SEMA5A: variants seen among roughly 807,000 people sequenced by gnomAD.
SEMA5A encodes the protein semaphorin 5A.
Under a neutral mutation model 135.5 loss-of-function variants are expected in SEMA5A, and 55 were observed. The ratio of observed to expected loss-of-function variants is 0.41; its 90% CI spans 0.33 to 0.51. SEMA5A has a LOEUF of 0.51. Among genes scored for constraint, SEMA5A ranks in the 20% least tolerant of loss-of-function variants. SEMA5A has a pLI of 0.37. For missense variants in SEMA5A, 1,290 were observed against 1,419.9 expected (o/e 0.91, Z 1.47); for synonymous variants, 580 against 546.5 (o/e 1.06, Z -0.85).
At chr5:9,146,433 A>G (rs1333495908) in intron 12 of SEMA5A, among the ~76,000 whole-genome samples, 2 of 152,172 alleles carry the variant, frequency 1.3e-5, no homozygotes, top group African/African-American at 4.8e-5. Flanking sequence ...TCAGAGAACA[A>G]TCGTTGAAAG....
intron 15 of SEMA5A, among the ~76,000 whole-genome samples, chr5:9,114,920 T>C (rs1483853655): frequency 6.6e-6 from 1 of 152,214 alleles, no homozygotes; most frequent in Non-Finnish European, 1.5e-5. Context: ...TGGAGTAGTA[T>C]TTAGTTACAC....
At chr5:9,060,527 G>T (rs1051637961) in intron 18 of SEMA5A, among the ~76,000 whole-genome samples, 6 of 152,114 alleles carry the variant, frequency 3.9e-5, no homozygotes, top group African/African-American at 1.2e-4. Context: ...TTGCCCACAG[G>T]ATTCCTCTCA....
intron 7 of SEMA5A, among the ~76,000 whole-genome samples, chr5:9,225,225 G>C (rs1747227178): frequency 6.6e-6 from 1 of 151,742 alleles, no homozygotes; most frequent in South Asian, 2.1e-4. Flanking sequence ...AAAAACCAGT[G>C]TCAATATTTA....
At position 9,192,959 on chromosome 5, in the gene SEMA5A, C is replaced by T. The variant is rs117233352; in HGVS notation, c.1069-2488G>A. On this transcript the variant is annotated intron_variant, in intron 10 of 22. Coordinates refer to ENST00000382496, the MANE Select transcript of SEMA5A (RefSeq NM_003966.3). ...TTAAGGAACCCAGAAAAATTGGACACCTAACAGGGAGTTCTCGGTGGCAGG... is the reference window on the plus strand; with the variant it reads ...TTAAGGAACCCAGAAAAATTGGACATCTAACAGGGAGTTCTCGGTGGCAGG... Among the ~76,000 whole-genome samples the T allele has an allele frequency of 3.0e-3, 449 of 152,058 alleles. 6 individuals are homozygous for T. Among genetic ancestry groups the T allele is most frequent in the East Asian group, 0.023 (117 of 5,150 alleles).
intron 1 of SEMA5A, among the ~76,000 whole-genome samples, chr5:9,528,502 G>A (rs888807293): frequency 6.6e-6 from 1 of 152,202 alleles, no homozygotes; most frequent in Non-Finnish European, 1.5e-5. Flanking sequence ...CCAACCCCAT[G>A]AATCTGAGCC....
intron 11 of SEMA5A, among the ~76,000 whole-genome samples, chr5:9,163,555 C>A (rs185864767): frequency 0.12 from 17,822 of 152,016 alleles, 1,755 homozygotes; most frequent in African/African-American, 0.25. Context: ...AACAATATCT[C>A]ATTTGTAAGG....
intron 16 of SEMA5A, 42 bp downstream of exon 16, chr5:9,108,098 G>C: frequency 6.3e-7 from 1 of 1,598,552 alleles, no homozygotes; most frequent in Non-Finnish European, 8.5e-7. Context: ...CTGTATTCCT[G>C]GTTCTGGATT....
At chr5:9,429,266 C>G (rs1037442443) in intron 2 of SEMA5A, among the ~76,000 whole-genome samples, 5 of 152,144 alleles carry the variant, frequency 3.3e-5, no homozygotes, top group African/African-American at 1.2e-4. Context: ...AAGCCCATAG[C>G]CTTCCAGCTC....
intron 11 of SEMA5A, among the ~76,000 whole-genome samples, chr5:9,185,831 G>A (rs1744775053): frequency 6.6e-6 from 1 of 152,184 alleles, no homozygotes; most frequent in African/African-American, 2.4e-5. Flanking sequence ...CATTGTGGGG[G>A]AGGGAGCATA....
intron 2 of SEMA5A, among the ~76,000 whole-genome samples, chr5:9,428,014 A>G (rs981550466): frequency 2.4e-4 from 36 of 151,502 alleles, no homozygotes; most frequent in African/African-American, 8.2e-4. Context: ...ATATAGGTGG[A>G]TATTCTATCT....
intron 1 of SEMA5A, among the ~76,000 whole-genome samples, chr5:9,478,338 C>T (rs1759749105): frequency 6.6e-6 from 1 of 152,192 alleles, no homozygotes; most frequent in South Asian, 2.1e-4. Context: ...CTGGGCATTG[C>T]CTAGTAGAGC....
intron 8 of SEMA5A, among the ~76,000 whole-genome samples, chr5:9,223,273 A>T (rs1747103514): frequency 6.6e-6 from 1 of 152,110 alleles, no homozygotes; most frequent in Non-Finnish European, 1.5e-5. Flanking sequence ...TTTTTCCTAC[A>T]GGACAGTCTT....
rs532162794 is a variant in SEMA5A, at chr5:9,334,862, G to T, written c.224+2851C>A. The stretch of plus-strand genomic sequence containing the variant: ...AACTGGGCATCATGGATTTTTATTT[G>T]CTAAGTCTGGCAATCCTATGTATTC... On this transcript the variant is annotated intron_variant, in intron 4 of 22. Coordinates refer to ENST00000382496, the MANE Select transcript of SEMA5A (RefSeq NM_003966.3). Among the ~76,000 whole-genome samples, 330 of 152,264 alleles carry T rather than the reference G, an allele frequency of 2.2e-3. 1 individual carries two copies. The highest frequency in any genetic ancestry group is 4.2e-3 in the Non-Finnish European group (285 of 68,020).
intron 11 of SEMA5A, among the ~76,000 whole-genome samples, chr5:9,155,382 T>G (rs1742898124): frequency 1.3e-5 from 2 of 151,230 alleles, no homozygotes; most frequent in Non-Finnish European, 2.9e-5. Flanking sequence ...CTTATTTATC[T>G]GCTTGACTGC....
At chr5:9,532,862 T>A (rs1312181522) in intron 1 of SEMA5A, among the ~76,000 whole-genome samples, 1 of 152,186 alleles carries the variant, frequency 6.6e-6, no homozygotes, top group Non-Finnish European at 1.5e-5. Context: ...TTCTCCTTTA[T>A]GCTCCCTGCC....
chr5:9,328,931 T>C (rs1439853233), intron 4 of SEMA5A, among the ~76,000 whole-genome samples: 1 of 152,202 alleles, frequency 6.6e-6, no homozygotes, highest in Non-Finnish European at 1.5e-5. Flanking sequence ...AAGTCTAAAC[T>C]TCTTTATAAT....
At chr5:9,043,441 G>A (rs535538278) in intron 22 of SEMA5A, among the ~76,000 whole-genome samples, 13 of 152,244 alleles carry the variant, frequency 8.5e-5, no homozygotes, top group South Asian at 2.1e-4. Context: ...GACATTTATC[G>A]GAGACCTTGA....
intron 2 of SEMA5A, among the ~76,000 whole-genome samples, chr5:9,415,334 TCTAATAAAGCTG>T (rs1288645433): frequency 1.3e-5 from 2 of 152,180 alleles, no homozygotes; most frequent in East Asian, 3.9e-4. Context: ...AGTTCTCCTA[TCTAATAAAGCTG>T]CTATGATCAT....
At chr5:9,256,391 G>A (rs563774730) in intron 5 of SEMA5A, among the ~76,000 whole-genome samples, 1 of 152,030 alleles carries the variant, frequency 6.6e-6, no homozygotes, top group African/African-American at 2.4e-5. Context: ...CTTATCCACT[G>A]TTCCCTCTTC....
Sources: allele counts gnomAD v4.1 joint callset (sites outside exome capture counted in the v4.1 genomes callset), GRCh38; gene constraint gnomAD v4.1.1; transcripts MANE v1.5; gene names NCBI Gene and HGNC (gene_info 2026-07-23, HGNC 2026-07-21).